The following MGST1 variants were observed in gnomAD, a reference collection of about 807,000 sequenced individuals.
MGST1 encodes microsomal glutathione S-transferase 1.
A neutral mutation model predicts 8.9 loss-of-function variants in MGST1; 5 were observed. That is an observed-to-expected ratio of 0.56 (90% CI 0.29 to 1.19). The LOEUF (loss-of-function observed/expected upper bound fraction) is 1.19. MGST1 is among the 50% of genes most tolerant of loss of function. The pLI is 0.08. For synonymous variants in MGST1, 54 were observed against 67.8 expected (o/e 0.80, Z 1.00); for missense variants, 182 against 187.4 (o/e 0.97, Z 0.17).
intron 1 of MGST1, chr12:16,399,760 G>C: frequency 8.6e-7 from 1 of 1,162,360 alleles, no homozygotes. Context: ...GTGTACTTCA[G>C]GTTGCAGGAA....
At chr12:16,436,261 G>T (rs1788420444) in intron 1 of MGST1, among the ~76,000 whole-genome samples, 1 of 151,934 alleles carries the variant, frequency 6.6e-6, no homozygotes, top group South Asian at 2.1e-4. Context: ...CACTCTTGTA[G>T]GTACTGTGCG....
Position 16,560,917 on chromosome 12 carries a change from G to A in MGST1, n.483-28611G>A, listed in dbSNP as rs1942380926. 1.1e-5 allele frequency: 2 copies of A among 186,978 alleles called. No individual in the cohort carries two copies. The highest frequency in any genetic ancestry group is 2.3e-5 in the Non-Finnish European group (2 of 87,530). The allele number at this position is 186,978 out of a possible 1,614,324, so 11.6% of individuals were successfully genotyped here. ...TATATTAAACATTTTAGTTGGGAAA[G>A]GAACCAACTAATGAATGATTCACTA... On this transcript the variant is annotated intron_variant and non_coding_transcript_variant, in intron 4 of 4. Transcript: ENST00000538857. This position sits in a 1 kb window ranked among gnomAD's most constrained non-coding sequence, Gnocchi z 5.0.
chr12:16,461,465 A>G (rs1941220727), intron 4 of MGST1, among the ~76,000 whole-genome samples: 1 of 152,174 alleles, frequency 6.6e-6, no homozygotes, highest in Non-Finnish European at 1.5e-5. Context: ...TTGCCTGCCA[A>G]AGATGATCCT....
At chr12:16,460,673 C>T (rs1263595960) in intron 4 of MGST1, among the ~76,000 whole-genome samples, 1 of 149,588 alleles carries the variant, frequency 6.7e-6, no homozygotes, top group Non-Finnish European at 1.5e-5. Context: ...TAACTTCTAA[C>T]TCATTCTCTA....
At chr12:16,494,229 G>A (rs1455959574) in intron 4 of MGST1, among the ~76,000 whole-genome samples, 1 of 152,098 alleles carries the variant, frequency 6.6e-6, no homozygotes, top group Non-Finnish European at 1.5e-5. Flanking sequence ...TATGAATGCA[G>A]AATATACCAC....
chr12:16,539,038 C>A (rs942223442), intron 4 of MGST1, among the ~76,000 whole-genome samples: 3 of 152,152 alleles, frequency 2.0e-5, no homozygotes, highest in African/African-American at 4.8e-5. Context: ...AAACCACCCC[C>A]ATGATTCAAA....
chr12:16,504,834 C>T (rs2137171993), intron 4 of MGST1, among the ~76,000 whole-genome samples: 1 of 152,298 alleles, frequency 6.6e-6, no homozygotes, highest in South Asian at 2.1e-4. Flanking sequence ...AACCTTTCAA[C>T]CTAATCCTCA....
At position 16,401,467 on chromosome 12, in the gene MGST1, C is replaced by A; in HGVS notation, n.778+17863C>A. On this transcript the variant is annotated intron_variant and non_coding_transcript_variant, in intron 1 of 1. Transcript: ENST00000359720. This position sits in a 1 kb window ranked among gnomAD's most constrained non-coding sequence, Gnocchi z 4.3. ...ATTATATACATCACATATCTTCACA[C>A]CATGTCTTAATTCCTTCAGCAGCTC... 1.2e-6 allele frequency: 1 copy of A among 837,590 alleles called. No homozygotes were observed. The allele number at this position is 837,590 out of a possible 1,614,324, so 51.9% of individuals were successfully genotyped here. A position where few individuals can be genotyped will look rare whatever the true frequency, so the allele number is the denominator to read the frequency against.
chr12:16,516,706 C>T lies in MGST1; in HGVS notation n.483-72822C>T, dbSNP rs374892272. ...AGGTGATAAAAGATCAGAATGAGGG[C>T]ATTGCTTTTTTTAAAGGAAGACTAT... On this transcript the variant is annotated intron_variant and non_coding_transcript_variant, in intron 4 of 4. Coordinates refer to the MGST1 transcript ENST00000538857. Among the ~76,000 whole-genome samples, 6 of 152,078 alleles carry T rather than the reference C, an allele frequency of 3.9e-5. No individual in the cohort carries two copies. In the East Asian group the frequency reaches 9.6e-4, roughly 24 times the overall value.
At chr12:16,478,879 A>G (rs1240252161) in intron 4 of MGST1, among the ~76,000 whole-genome samples, 2 of 152,232 alleles carry the variant, frequency 1.3e-5, no homozygotes, top group Middle Eastern at 3.4e-3. Flanking sequence ...GTACATCCAC[A>G]GTGTTGTACA....
intron 4 of MGST1, among the ~76,000 whole-genome samples, chr12:16,554,991 T>C (rs995636318): frequency 1.3e-5 from 2 of 152,216 alleles, no homozygotes; most frequent in African/African-American, 4.8e-5. Context: ...ACCACTTTCT[T>C]CTAACTGTAA....
chr12:16,391,421 G>C (rs189908183), intron 1 of MGST1, among the ~76,000 whole-genome samples: 154 of 151,706 alleles, frequency 1.0e-3, no homozygotes, highest in African/African-American at 3.6e-3. Flanking sequence ...GCAGTGTTTG[G>C]TTTTCTGTTC....
chr12:16,422,647 T>C (rs1388358399), intron 1 of MGST1, among the ~76,000 whole-genome samples: 1 of 152,174 alleles, frequency 6.6e-6, no homozygotes, highest in Non-Finnish European at 1.5e-5. Flanking sequence ...TCTGCACACA[T>C]AGTCAATTGA....
At chr12:16,467,180 G>A (rs998684190) in intron 4 of MGST1, among the ~76,000 whole-genome samples, 9 of 152,198 alleles carry the variant, frequency 5.9e-5, no homozygotes, top group South Asian at 2.1e-4. Flanking sequence ...TCAAGTCTGC[G>A]TGAAAGATGC....
chr12:16,431,487 A>G (rs931325031), intron 1 of MGST1, among the ~76,000 whole-genome samples: 1 of 151,616 alleles, frequency 6.6e-6, no homozygotes, highest in African/African-American at 2.4e-5. Flanking sequence ...CTCAGAGGCC[A>G]TTGTAAGTTC....
chr12:16,570,468 TAAAGAA>T (rs934840303), intron 4 of MGST1, among the ~76,000 whole-genome samples: 1 of 151,990 alleles, frequency 6.6e-6, no homozygotes, highest in African/African-American at 2.4e-5. Flanking sequence ...AAAAGAAAAA[TAAAGAA>T]AATGAAAAGA....
chr12:16,395,792 TATATATATATATACACAC>T (rs1233165992), intron 1 of MGST1, among the ~76,000 whole-genome samples: 2 of 124,628 alleles, frequency 1.6e-5, no homozygotes, highest in African/African-American at 6.6e-5. Flanking sequence ...TATATATATA[TATATATATATATACACAC>T]ACACACACAC....
chr12:16,478,567 A>G (rs1032964883), intron 4 of MGST1, among the ~76,000 whole-genome samples: 3 of 152,010 alleles, frequency 2.0e-5, no homozygotes, highest in Admixed American at 1.3e-4. Flanking sequence ...TTAATATTCT[A>G]TGTCAAATAT....
intron 4 of MGST1, among the ~76,000 whole-genome samples, chr12:16,572,940 T>G (rs1942864785): frequency 6.6e-6 from 1 of 151,666 alleles, no homozygotes; most frequent in African/African-American, 2.4e-5. Flanking sequence ...AAATTGATCA[T>G]CAAAATAGGA....
Sources: allele counts gnomAD v4.1 joint callset (sites outside exome capture counted in the v4.1 genomes callset), GRCh38; gene constraint gnomAD v4.1.1; non-coding constraint Gnocchi (gnomAD v3.1); transcripts MANE v1.5; gene names NCBI Gene and HGNC (gene_info 2026-07-23, HGNC 2026-07-21).